Variants in CHD2 observed in about 807,000 individuals in gnomAD.
CHD2 encodes ATP-dependent chromatin remodeler CHD2.
CHD2 carries 28 observed loss-of-function variants against 243.9 expected under a neutral mutation model. The observed-to-expected ratio is 0.11, with a 90% CI of 0.09 to 0.16. The LOEUF (loss-of-function observed/expected upper bound fraction) is 0.16. Among genes scored for constraint, CHD2 ranks in the 10% least tolerant of loss-of-function variants. The pLI, the probability that CHD2 is intolerant of heterozygous loss-of-function variation, is 1.00. For synonymous variants in CHD2, 775 were observed against 779.0 expected (o/e 0.99, Z 0.09); for missense variants, 1,386 against 2,209.8 (o/e 0.63, Z 7.47).
intron 12 of CHD2, 147 bp downstream of exon 12, chr15:92,946,363 G>A: frequency 1.9e-6 from 1 of 537,480 alleles, no homozygotes; most frequent in Non-Finnish European, 3.1e-6. Flanking sequence ...TGACATTAAA[G>A]CAAAAGGAGA....
intron 12 of CHD2, chr15:92,946,430 G>T: frequency 2.6e-6 from 1 of 381,896 alleles, no homozygotes; most frequent in Admixed American, 4.3e-5. Context: ...TACATAATTA[G>T]AAATAGAGAT....
intron 16 of CHD2, among the ~76,000 whole-genome samples, chr15:92,965,565 CAAAAAAAAAAAAAAAAA>C (rs61447848): frequency 0.22 from 24,668 of 111,708 alleles, 3,021 homozygotes; most frequent in Middle Eastern, 0.28. Flanking sequence ...ACTCTTTCTC[CAAAAAAAAAAAAAAAAA>C]AAAAAAAAAA....
chr15:92,941,035 T>A (rs1481243597), intron 7 of CHD2, among the ~76,000 whole-genome samples: 3 of 146,434 alleles, frequency 2.0e-5, no homozygotes, highest in African/African-American at 7.5e-5. Context: ...GGAGTCTTGC[T>A]GTGTTGCCCA....
At chr15:92,927,182 C>T (rs578094167) in intron 3 of CHD2, 62 bp from the exon 4 acceptor site, 45 of 1,174,228 alleles carry the variant, frequency 3.8e-5, no homozygotes, top group African/African-American at 6.1e-5. Context: ...TTGCAATAAA[C>T]GTTTGATAAT....
rs933592384 is a variant in CHD2, at chr15:93,020,588, C to T, written c.5153+330C>T. The T allele has an allele frequency of 7.7e-6, 4 of 516,822 alleles. No homozygotes were observed. The South Asian group carries it at 1.0e-4, about 13-fold the overall frequency. The allele number at this position is 516,822 out of a possible 1,614,324, so 32.0% of individuals were successfully genotyped here. The stretch of plus-strand genomic sequence containing the variant: ...TCAGCCACACTAGGTATCAGGGATC[C>T]CGAGATGGGTACCAGCCCACAGTCC... On this transcript the variant is annotated intron_variant, in intron 38 of 38. Coordinates refer to ENST00000394196, the MANE Select transcript of CHD2 (RefSeq NM_001271.4).
At chr15:92,946,432 A>C (rs933518027) in intron 12 of CHD2, 12 of 380,192 alleles carry the variant, frequency 3.2e-5, no homozygotes, top group African/African-American at 1.7e-4. Context: ...CATAATTAGA[A>C]ATAGAGATAT....
chr15:93,002,547 A>G (rs1427373291), intron 33 of CHD2, among the ~76,000 whole-genome samples: 1 of 152,220 alleles, frequency 6.6e-6, no homozygotes, highest in East Asian at 1.9e-4. Context: ...TTGGTCTTTT[A>G]TGACATATTT....
In CHD2 at chr15:92,923,668, C is replaced by T. The variant is rs146492293; in HGVS notation, c.63-653C>T. On this transcript the variant is annotated intron_variant, in intron 2 of 38. Coordinates refer to ENST00000394196, the MANE Select transcript of CHD2 (RefSeq NM_001271.4). ...ACATCCTTTGCCTCCCAGGTTCAAG[C>T]GATCCTTCTGCCTCAGTCTCCCGAG... 4.9e-3 allele frequency among the ~76,000 whole-genome samples: 747 copies of T among 150,940 alleles called. 2 individuals carry two copies. Among genetic ancestry groups the T allele is most frequent in the African/African-American group, 0.016 (673 of 41,056 alleles).
At chr15:92,913,047 G>A (rs553808673) in intron 2 of CHD2, among the ~76,000 whole-genome samples, 31 of 152,326 alleles carry the variant, frequency 2.0e-4, no homozygotes, top group African/African-American at 7.2e-4. Context: ...AAATCCTTAA[G>A]TTTACTTGCT....
chr15:92,988,327 G>A (rs377352341), intron 26 of CHD2, among the ~76,000 whole-genome samples: 8 of 152,118 alleles, frequency 5.3e-5, no homozygotes, highest in African/African-American at 1.7e-4. Flanking sequence ...TCAGGTGATC[G>A]GTGTGCCTCG....
At chr15:92,975,291 T>C (rs2053892684) in intron 20 of CHD2, among the ~76,000 whole-genome samples, 1 of 152,146 alleles carries the variant, frequency 6.6e-6, no homozygotes, top group Non-Finnish European at 1.5e-5. Flanking sequence ...CTGTACTCTT[T>C]TGGTGACTAA....
chr15:92,995,433 G>A (rs1302580867), intron 28 of CHD2, among the ~76,000 whole-genome samples: 1 of 151,986 alleles, frequency 6.6e-6, no homozygotes, highest in Non-Finnish European at 1.5e-5. Context: ...ATAGGTCACT[G>A]TTTCTATTAG....
rs577646910 is a variant in CHD2 at position 92,995,191 on chromosome 15, A to G, written c.3596-1766A>G. On this transcript the variant is annotated intron_variant, in intron 28 of 38. Transcript: ENST00000394196. ...TCAAAATATATGTTTAAATTATTCA[A>G]AGTTATTCCTTTCTCTGTGTGGTTA... 1.8e-4 allele frequency among the ~76,000 whole-genome samples: 27 copies of G among 152,320 alleles called. 1 individual carries two copies. Among genetic ancestry groups the G allele is most frequent in the African/African-American group, 6.0e-4 (25 of 41,586 alleles).
rs968036002 is a variant in CHD2, at chr15:93,026,966, A to G, written c.*2261A>G. The G allele has an allele frequency of 3.9e-5, 6 of 152,628 alleles. No individual in the cohort carries two copies. The highest frequency in any genetic ancestry group is 8.8e-5 in the Non-Finnish European group (6 of 68,046). The allele number at this position is 152,628 out of a possible 1,614,324, so 9.5% of individuals were successfully genotyped here. A position where few individuals can be genotyped will look rare whatever the true frequency, so the allele number is the denominator to read the frequency against. ...GATAGGAGATGTGAGTTATGCCCAG[A>G]GATGTCTTATCGTGAGGAAAAAGAA... is the stretch of plus-strand genomic sequence containing the variant. On this transcript the variant is annotated 3_prime_UTR_variant, in exon 39 of 39. Coordinates refer to ENST00000394196, the MANE Select transcript of CHD2 (RefSeq NM_001271.4).
At chr15:92,927,043 T>G (rs2053076175) in intron 3 of CHD2, among the ~76,000 whole-genome samples, 2 of 152,190 alleles carry the variant, frequency 1.3e-5, no homozygotes, top group Non-Finnish European at 2.9e-5. Context: ...TGTTAAGTAA[T>G]GAAGACATTG....
chr15:92,992,940 C>T lies in CHD2; in HGVS notation c.3537C>T (p.Asn1179=), dbSNP rs529110345. 1 of 1,614,144 alleles carries T rather than the reference C, an allele frequency of 6.2e-7. No homozygotes were observed. Among genetic ancestry groups the T allele is most frequent in the Non-Finnish European group, 8.5e-7 (1 of 1,180,030 alleles). The change falls in exon 28 of 39, where the codon AAC becomes AAT. Residue 1179 remains asparagine, a synonymous_variant. Coordinates refer to ENST00000394196, the MANE Select transcript of CHD2 (RefSeq NM_001271.4). ...AGCGCCTGGGTGAACTGATCCACAA[C>T]AGCTGTGTGTCAGCAATGCAGGAAT... The part of the protein sequence containing the change: ...DLKRLGELIH[N]SCVSAMQEYE...
intron 37 of CHD2, among the ~76,000 whole-genome samples, chr15:93,018,642 C>T (rs895664276): frequency 2.0e-5 from 3 of 152,204 alleles, no homozygotes; most frequent in African/African-American, 7.2e-5. Flanking sequence ...AAGGTGTCAG[C>T]AGGGTTGGTT....
At chr15:92,960,705 GTTTTTTTTT>G (rs71467745) in intron 16 of CHD2, among the ~76,000 whole-genome samples, 133 of 51,470 alleles carry the variant, frequency 2.6e-3, no homozygotes, top group Non-Finnish European at 4.1e-3. Context: ...TCTGTTTGGT[GTTTTTTTTT>G]TTTTTTTTTT....
intron 15 of CHD2, among the ~76,000 whole-genome samples, chr15:92,956,118 G>C (rs1187246470): frequency 6.6e-6 from 1 of 152,192 alleles, no homozygotes; most frequent in Non-Finnish European, 1.5e-5. Context: ...GAATAGGCAA[G>C]AGAAGGACCA....
Sources: gnomAD v4.1 joint callset for allele counts (sites outside exome capture counted in the v4.1 genomes callset) on GRCh38, gnomAD v4.1.1 for gene constraint, MANE v1.5 for transcripts, NCBI Gene and HGNC (gene_info 2026-07-23, HGNC 2026-07-21) for gene names.